The following GPR89B variants were observed in gnomAD, a reference collection of about 807,000 sequenced individuals.
GPR89B encodes G protein-coupled receptor 89B.
GPR89B carries 25 observed loss-of-function variants against 52.4 expected under a neutral mutation model. That is an observed-to-expected ratio of 0.48 (90% CI 0.35 to 0.67). GPR89B has a LOEUF of 0.67. Ranked by LOEUF, GPR89B falls within the 30% of genes least tolerant of loss-of-function variation. The pLI is 0.01. For synonymous variants in GPR89B, 52 were observed against 151.2 expected, an observed-to-expected ratio of 0.34 and a Z score of 4.81; for missense variants, 146 against 450.2, an observed-to-expected ratio of 0.32 and a Z score of 6.11.
intron 12 of GPR89B, among the ~76,000 whole-genome samples, chr1:147,992,015 G>A (rs1659106370): frequency 1.3e-5 from 2 of 151,998 alleles, no homozygotes; most frequent in South Asian, 2.1e-4. Context: ...TCTAATCAAC[G>A]TAGGAAGACT....
intron 8 of GPR89B, 86 bp from the exon 9 acceptor site, chr1:147,968,789 T>C: frequency 1.2e-6 from 2 of 1,606,588 alleles, no homozygotes; most frequent in Non-Finnish European, 1.7e-6. Flanking sequence ...GAATCCACTG[T>C]AGGAAAAACT....
At chr1:147,955,342 G>C (rs1157222818) in intron 7 of GPR89B, among the ~76,000 whole-genome samples, 1 of 151,960 alleles carries the variant, frequency 6.6e-6, no homozygotes, top group Non-Finnish European at 1.5e-5. Context: ...CTTGGCTGTT[G>C]TAAATAATAC....
At chr1:147,939,823 C>T (rs1654392592) in intron 3 of GPR89B, among the ~76,000 whole-genome samples, 2 of 151,260 alleles carry the variant, frequency 1.3e-5, no homozygotes, top group African/African-American at 4.9e-5. Context: ...CAAAGTGAGA[C>T]CCTGTCTCTA....
chr1:147,997,782 A>T (rs2149100551), downstream of GPR89B, among the ~76,000 whole-genome samples: 1 of 152,320 alleles, frequency 6.6e-6, no homozygotes, highest in Non-Finnish European at 1.5e-5. Context: ...ACCAACCCAT[A>T]TACACAGTAA....
At chr1:147,939,031 G>A (rs1479147435) in intron 3 of GPR89B, among the ~76,000 whole-genome samples, 3 of 126,334 alleles carry the variant, frequency 2.4e-5, no homozygotes, top group Admixed American at 8.3e-5. Context: ...AGATCTGACC[G>A]TTAACTCTGA....
chr1:147,945,872 A>T (rs2149046923), intron 5 of GPR89B, among the ~76,000 whole-genome samples: 1 of 151,386 alleles, frequency 6.6e-6, no homozygotes, highest in South Asian at 2.1e-4. Context: ...CTATGGGCGC[A>T]TGCCACCATA....
the GPR89B span, chr1:148,010,382 A>C: frequency 2.0e-5 from 3 of 152,246 alleles, no homozygotes; most frequent in Non-Finnish European, 1.5e-5. Flanking sequence ...CGTGCCACTC[A>C]ACATGCCTCC....
chr1:147,993,636 G>T, downstream of GPR89B: 1 of 154,680 alleles, frequency 6.5e-6, no homozygotes, highest in Admixed American at 6.3e-5. Context: ...ACGCTGTGGG[G>T]TGAAACCGTG....
At chr1:147,941,369 C>T (rs753515829) in intron 3 of GPR89B, among the ~76,000 whole-genome samples, 57 of 152,172 alleles carry the variant, frequency 3.7e-4, no homozygotes, top group Non-Finnish European at 6.8e-4. Flanking sequence ...GTAGTATTGC[C>T]TGGAGGATGT....
Position 147,986,280 on chromosome 1 carries a change from G to A in GPR89B, c.991G>A (p.Gly331Arg). 6.2e-7 allele frequency: 1 copy of A among 1,611,046 alleles called. No homozygotes were observed. The highest frequency in any genetic ancestry group is 1.7e-5 in the Admixed American group (1 of 59,912). ...CATTGAGATCACTGTGAATTATCTG[G>A]GAATCCAATTTGATGTAAGTGTTAT... ...RGIEITVNYL[G>R]IQFDVKFWSQ... Residue 331 changes from glycine to arginine, a missense_variant, in exon 11 of 14, where the codon GGA becomes AGA. Gly to Arg is a moderately radical substitution (Grantham distance 125, BLOSUM62 -2). Coordinates refer to ENST00000314163, the MANE Select transcript of GPR89B (RefSeq NM_016334.5).
the GPR89B span, among the ~76,000 whole-genome samples, chr1:148,007,078 T>C: frequency 1.6e-5 from 2 of 128,346 alleles, no homozygotes; most frequent in African/African-American, 6.9e-5. Context: ...CATTTTTGGC[T>C]TTTTTTTTTT....
chr1:147,969,216 A>G, intron 9 of GPR89B: 1 of 457,068 alleles, frequency 2.2e-6, no homozygotes, highest in East Asian at 4.0e-5. Context: ...AACATTTAGG[A>G]AGGTGGCACG....
At chr1:148,009,470 C>T in the GPR89B span, 1 of 1,602,554 alleles carries the variant, frequency 6.2e-7, no homozygotes, top group Non-Finnish European at 8.5e-7. Context: ...TCAAACCTTG[C>T]TCCTTCTGAC....
At chr1:147,977,536 G>A (rs1325683073) in intron 10 of GPR89B, among the ~76,000 whole-genome samples, 3 of 151,940 alleles carry the variant, frequency 2.0e-5, no homozygotes, top group Admixed American at 1.3e-4. Context: ...TGTCTTGCTA[G>A]GTTGGGGAAG....
chr1:147,950,664 A>G (rs1655592309), intron 5 of GPR89B, among the ~76,000 whole-genome samples: 2 of 152,042 alleles, frequency 1.3e-5, no homozygotes, highest in Non-Finnish European at 1.5e-5. Flanking sequence ...AGTGAACCAG[A>G]CTCCGTCTGC....
chr1:147,958,322 CT>C (rs1656276644), intron 7 of GPR89B, among the ~76,000 whole-genome samples: 1 of 151,810 alleles, frequency 6.6e-6, no homozygotes, highest in Admixed American at 6.6e-5. Context: ...AGGCTATTCT[CT>C]TTCTCACTGT....
At chr1:147,981,189 C>T (rs1239972967) in intron 10 of GPR89B, among the ~76,000 whole-genome samples, 1 of 145,234 alleles carries the variant, frequency 6.9e-6, no homozygotes, top group Non-Finnish European at 1.5e-5. Context: ...CATTCCTGGC[C>T]AGGCACAGTG....
chr1:148,023,946 G>T, the GPR89B span, among the ~76,000 whole-genome samples: 1 of 145,246 alleles, frequency 6.9e-6, no homozygotes, highest in Non-Finnish European at 1.5e-5. Context: ...ATTGAATTAG[G>T]TCCTACTTGT....
At chr1:148,008,120 G>A in the GPR89B span, among the ~76,000 whole-genome samples, 3 of 151,862 alleles carry the variant, frequency 2.0e-5, no homozygotes, top group African/African-American at 7.3e-5. Context: ...CCTAGGCAAG[G>A]GATCGCTTGC....
Sources: allele counts gnomAD v4.1 joint callset (sites outside exome capture counted in the v4.1 genomes callset), GRCh38; gene constraint gnomAD v4.1.1; transcripts MANE v1.5; gene names NCBI Gene and HGNC (gene_info 2026-07-23, HGNC 2026-07-21).